SPRY3: variants seen among roughly 807,000 people sequenced by gnomAD.
The protein encoded by SPRY3 is protein sprouty homolog 3.
A neutral mutation model predicts 20.2 loss-of-function variants in SPRY3; 15 were observed. The ratio of observed to expected loss-of-function variants is 0.74; its 90% CI spans 0.50 to 1.14. The LOEUF (loss-of-function observed/expected upper bound fraction) is 1.14. SPRY3 is among the 50% of genes most tolerant of loss of function. The pLI is 0.00. For synonymous variants in SPRY3, 143 were observed against 136.5 expected (o/e 1.05, Z -0.33); for missense variants, 364 against 363.9 (o/e 1.00, Z 0.00).
intron 2 of SPRY3, among the ~76,000 whole-genome samples, chrX:155,668,591 A>G (rs996270032): frequency 3.6e-5 from 4 of 110,719 alleles, no homozygotes; most frequent in Non-Finnish European, 7.6e-5. Context: ...TAATTAAAAA[A>G]TTTTAAGCTC....
chrX:155,753,871 A>G (rs2091273673), intron 2 of SPRY3, among the ~76,000 whole-genome samples: 1 of 151,998 alleles, frequency 6.6e-6, no homozygotes, highest in South Asian at 2.1e-4. Context: ...TTTCATGCAC[A>G]TATTGGCCAT....
At chrX:155,659,457 G>T (rs1557353439) in intron 2 of SPRY3, among the ~76,000 whole-genome samples, 1 of 110,367 alleles carries the variant, frequency 9.1e-6, no homozygotes. Context: ...TATTTTTTGA[G>T]GATTTTTGCA....
rs1029018289 is a variant in SPRY3, at chrX:155,773,008, G to T, written c.-106-758G>T. Among the ~76,000 whole-genome samples, 63 of 152,004 alleles carry T rather than the reference G, an allele frequency of 4.1e-4. 1 individual carries two copies. Among genetic ancestry groups the T allele is most frequent in the Middle Eastern group, 3.4e-3 (1 of 294 alleles). On this transcript the variant is annotated intron_variant, in intron 3 of 3. Coordinates refer to ENST00000675360, the Ensembl canonical transcript of SPRY3. ...CAGTATTACTCCCACGTGTACAAAA[G>T]TTTGATTCTGGAGCCTCCATTCCAT...
chrX:155,711,490 A>T (rs1156401055), intron 2 of SPRY3, among the ~76,000 whole-genome samples: 1 of 140,058 alleles, frequency 7.1e-6, no homozygotes, highest in African/African-American at 2.9e-5. Flanking sequence ...CTGTGGTATC[A>T]GTTGCTATGT....
chrX:155,706,239 T>C (rs2090949979), intron 2 of SPRY3, among the ~76,000 whole-genome samples: 1 of 151,086 alleles, frequency 6.6e-6, no homozygotes, highest in African/African-American at 2.4e-5. Context: ...TTTTTGTAAA[T>C]TGAACAACAT....
At chrX:155,734,154 T>C (rs1272933015) in intron 2 of SPRY3, among the ~76,000 whole-genome samples, 1 of 152,150 alleles carries the variant, frequency 6.6e-6, no homozygotes, top group Admixed American at 6.5e-5. Flanking sequence ...TTTCAGCCTG[T>C]CCTGCCTTCC....
intron 1 of SPRY3, among the ~76,000 whole-genome samples, chrX:155,647,308 G>GT (rs1743956784): frequency 9.3e-6 from 1 of 107,934 alleles, no homozygotes; most frequent in Non-Finnish European, 1.9e-5. Flanking sequence ...ATTGTATTTT[G>GT]TTTTTTGTTA....
intron 2 of SPRY3, among the ~76,000 whole-genome samples, chrX:155,764,891 C>T (rs766567697): frequency 3.3e-5 from 5 of 152,270 alleles, no homozygotes; most frequent in Non-Finnish European, 7.4e-5. Flanking sequence ...AACTTATAAA[C>T]AACAGAAATG....
intron 2 of SPRY3, among the ~76,000 whole-genome samples, chrX:155,724,641 TG>T (rs2091085274): frequency 6.6e-6 from 1 of 152,148 alleles, no homozygotes; most frequent in Non-Finnish European, 1.5e-5. Context: ...TTGTGATTTT[TG>T]CACATTGATT....
chrX:155,770,277 G>A (rs967990638), intron 3 of SPRY3, among the ~76,000 whole-genome samples: 2 of 152,138 alleles, frequency 1.3e-5, no homozygotes, highest in African/African-American at 4.8e-5. Flanking sequence ...CTTTAGATAG[G>A]AAAGTTTTCA....
chrX:155,771,512 T>C (rs1403779759), intron 3 of SPRY3, among the ~76,000 whole-genome samples: 1 of 152,212 alleles, frequency 6.6e-6, no homozygotes, highest in Non-Finnish European at 1.5e-5. Context: ...GCATTCAGCA[T>C]GTATATTATT....
At chrX:155,757,280 A>G (rs1307789811) in intron 2 of SPRY3, among the ~76,000 whole-genome samples, 1 of 151,922 alleles carries the variant, frequency 6.6e-6, no homozygotes, top group East Asian at 1.9e-4. Context: ...CATCAAGTAC[A>G]TTCTGGCCTC....
chrX:155,654,427 A>T (rs931213949), intron 1 of SPRY3, among the ~76,000 whole-genome samples: 6 of 111,239 alleles, frequency 5.4e-5, no homozygotes, highest in Admixed American at 9.6e-5. Flanking sequence ...CATCACCTGA[A>T]TAGTGGCTCT....
intron 2 of SPRY3, among the ~76,000 whole-genome samples, chrX:155,716,105 C>T (rs2091020410): frequency 6.6e-6 from 1 of 152,106 alleles, no homozygotes; most frequent in Non-Finnish European, 1.5e-5. Context: ...TTTGGTGTTC[C>T]AGCAGGGGGG....
chrX:155,693,056 T>C (rs2068108438), intron 2 of SPRY3, among the ~76,000 whole-genome samples: 1 of 111,251 alleles, frequency 9.0e-6, no homozygotes, highest in Non-Finnish European at 1.9e-5. Context: ...AGTTATACTT[T>C]GCTCTTTTTC....
intron 2 of SPRY3, among the ~76,000 whole-genome samples, chrX:155,734,635 T>A (rs1162646865): frequency 6.6e-6 from 1 of 151,400 alleles, no homozygotes; most frequent in Non-Finnish European, 1.5e-5. Context: ...AATCTTCAAT[T>A]TGAAAAAAAA....
At chrX:155,770,107 G>A (rs929698140) in intron 3 of SPRY3, among the ~76,000 whole-genome samples, 1 of 152,108 alleles carries the variant, frequency 6.6e-6, no homozygotes, top group African/African-American at 2.4e-5. Flanking sequence ...TACACAGTAG[G>A]GTACAAAACA....
intron 2 of SPRY3, among the ~76,000 whole-genome samples, chrX:155,756,847 T>C (rs1349285570): frequency 6.6e-6 from 1 of 152,118 alleles, no homozygotes; most frequent in Non-Finnish European, 1.5e-5. Context: ...GTGATGCCTT[T>C]CACTGAATGA....
At chrX:155,673,809 C>G (rs782207440) in intron 2 of SPRY3, among the ~76,000 whole-genome samples, 3 of 112,198 alleles carry the variant, frequency 2.7e-5, no homozygotes, top group Non-Finnish European at 3.8e-5. Flanking sequence ...CCCTCTTTGC[C>G]TATAGTCGAT....
Sources: allele counts gnomAD v4.1 joint callset (sites outside exome capture counted in the v4.1 genomes callset), GRCh38; gene constraint gnomAD v4.1.1; transcripts MANE v1.5; gene names NCBI Gene and HGNC (gene_info 2026-07-23, HGNC 2026-07-21).